Variants in TM7SF3 observed in about 807,000 individuals in gnomAD.
The protein encoded by TM7SF3 is seven span transmembrane protein.
In TM7SF3, 60 loss-of-function variants were observed where a neutral mutation model predicts 65.5. The ratio of observed to expected loss-of-function variants is 0.92; its 90% confidence interval spans 0.74 to 1.14. The LOEUF (loss-of-function observed/expected upper bound fraction) is 1.14, where lower values mean the gene tolerates loss of function less well. TM7SF3 is among the 50% of genes most tolerant of loss of function. The probability of loss-of-function intolerance (pLI) is 0.00; values close to 1 mark genes in which losing one functional copy is unlikely to be tolerated. For missense variants in TM7SF3, 623 were observed against 684.8 expected (o/e 0.91, Z 1.01); for synonymous variants, 264 against 259.6 (o/e 1.02, Z -0.16).
In TM7SF3 at chr12:26,990,470, T is replaced by C. The variant is rs534482860; in HGVS notation, c.848A>G (p.Glu283Gly). Residue 283 changes from glutamate (E) to glycine (G), a missense_variant, in exon 6 of 12, where the codon GAG becomes GGG. Glu to Gly is a moderately conservative substitution (Grantham distance 98). Transcript: ENST00000343028. The stretch of plus-strand genomic sequence containing the variant: ...CTCACCTAGGGAAGCACAACTACCC[T>C]CTCCTGCCTCAAAGCTGCAAGCGTA... ...HTYACSFEAG[E>G]GSCASLGRVS... 7.4e-6 allele frequency: 12 copies of C among 1,613,720 alleles called. No individual in the cohort carries two copies. In the East Asian group the frequency reaches 1.6e-4, roughly 21 times the overall value.
intron 7 of TM7SF3, among the ~76,000 whole-genome samples, chr12:26,981,852 T>C (rs1489601788): frequency 6.6e-6 from 1 of 152,128 alleles, no homozygotes; most frequent in East Asian, 1.9e-4. Flanking sequence ...ATGATTTACA[T>C]CCCAGTTCTT....
rs1389672495 is a variant in TM7SF3, at chr12:26,995,299, T to A, written c.628A>T (p.Met210Leu). 1.9e-5 allele frequency: 31 copies of A among 1,614,020 alleles called. No homozygotes were observed. Among genetic ancestry groups the A allele is most frequent in the Non-Finnish European group, 2.6e-5 (31 of 1,180,032 alleles). ...FLPENDLTEE[M>L]LLKHLQRMVS... The stretch of plus-strand genomic sequence containing the variant: ...ATCCTCTGCAGATGCTTCAGCAACA[T>A]CTCCTCAGTGAGGTCATTCTCAGGC... The change falls in exon 5 of 12, where the codon ATG becomes TTG. Residue 210 changes from methionine (M) to leucine (L), a missense_variant. Met to Leu is a conservative substitution (Grantham distance 15). Transcript: ENST00000343028.
intron 6 of TM7SF3, among the ~76,000 whole-genome samples, chr12:26,988,188 G>A (rs1396856049): frequency 6.6e-6 from 1 of 152,102 alleles, no homozygotes; most frequent in African/African-American, 2.4e-5. Context: ...GGGGAGACGG[G>A]GTCTCACTCT....
chr12:26,995,185 T>C lies in TM7SF3; in HGVS notation c.690+52A>G, dbSNP rs376291016. On this transcript the variant is annotated intron_variant, in intron 5 of 11. Coordinates refer to ENST00000343028, the MANE Select transcript of TM7SF3 (RefSeq NM_016551.3). Reference sequence around the variant, plus strand: ...CCTGGTAGCTTCTCCCCTTCTCAACTCTGACAAAGGTGTCACAATCCAGCC... The same window carrying C: ...CCTGGTAGCTTCTCCCCTTCTCAACCCTGACAAAGGTGTCACAATCCAGCC... 1,111 of 1,567,028 alleles carry C rather than the reference T, an allele frequency of 7.1e-4. 1 individual carries two copies. The highest frequency in any genetic ancestry group is 9.2e-4 in the Non-Finnish European group (1,057 of 1,152,486).
At chr12:27,010,676 T>C (rs768166557) in intron 1 of TM7SF3, among the ~76,000 whole-genome samples, 5 of 152,166 alleles carry the variant, frequency 3.3e-5, no homozygotes, top group Non-Finnish European at 7.3e-5. Flanking sequence ...AGACAGCACA[T>C]CAAAAGATAT....
At chr12:26,999,117 C>A (rs1409707425) in intron 3 of TM7SF3, among the ~76,000 whole-genome samples, 1 of 152,196 alleles carries the variant, frequency 6.6e-6, no homozygotes, top group Non-Finnish European at 1.5e-5. Context: ...TGATTATAGG[C>A]TGGGCGCAGT....
In TM7SF3 at chr12:26,995,371, G is replaced by C; in HGVS notation, c.556C>G (p.Gln186Glu). The change falls in exon 5 of 12, where the codon CAG becomes GAG. Residue 186 changes from glutamine (Q) to glutamate (E), a missense_variant. By Grantham distance (29) the Gln-to-Glu change is conservative. Coordinates refer to ENST00000343028, the MANE Select transcript of TM7SF3 (RefSeq NM_016551.3). ...TACTGCAACCTCCACCTGGAGTCCT[G>C]GTCTGTCCCAGCGTCACATGGTGGG... ...DPPPCDAGTD[Q>E]DSRWRLQYDV... is the part of the protein sequence containing the mutation. 1 of 1,614,134 alleles carries C rather than the reference G, an allele frequency of 6.2e-7. No homozygotes were observed. Among genetic ancestry groups the C allele is most frequent in the Non-Finnish European group, 8.5e-7 (1 of 1,180,026 alleles).
Position 26,979,943 on chromosome 12 carries a change from A to G in TM7SF3, c.1037-7T>C. 1.2e-6 allele frequency: 2 copies of G among 1,614,104 alleles called. No homozygotes were observed. Among genetic ancestry groups the G allele is most frequent in the Non-Finnish European group, 1.7e-6 (2 of 1,180,000 alleles). ...GCTGTCAGAATCAGATTCACTGTAC[A>G]AAGAGAGAGGATGAACTGCTGGATA... On this transcript the variant is annotated splice_region_variant and splice_polypyrimidine_tract_variant and intron_variant, in intron 8 of 11. Coordinates refer to ENST00000343028, the MANE Select transcript of TM7SF3 (RefSeq NM_016551.3).
chr12:27,010,973 T>A (rs1458545496), intron 1 of TM7SF3, among the ~76,000 whole-genome samples: 1 of 152,246 alleles, frequency 6.6e-6, no homozygotes, highest in Non-Finnish European at 1.5e-5. Flanking sequence ...CTTCTACTGT[T>A]TGTGTTTCAA....
intron 1 of TM7SF3, among the ~76,000 whole-genome samples, chr12:27,006,287 G>A (rs1018299103): frequency 4.0e-5 from 6 of 151,430 alleles, no homozygotes; most frequent in African/African-American, 7.3e-5. Context: ...ACAGGCATGT[G>A]CCACCACGCT....
chr12:26,976,618 G>A (rs1156374159), intron 9 of TM7SF3, among the ~76,000 whole-genome samples: 1 of 152,160 alleles, frequency 6.6e-6, no homozygotes, highest in African/African-American at 2.4e-5. Flanking sequence ...AGAAGACACT[G>A]GAATAGTCCA....
At position 26,990,591 on chromosome 12, in the gene TM7SF3, A is replaced by T. The variant is rs1940310203; in HGVS notation, c.727T>A (p.Ser243Thr). The part of the protein sequence containing the change: ...TLTANDKTSV[S>T]FSSLPGQGVI... ...CCTTGTCCCGGGAGGGAGGAGAAGGAAACACTTGTCTTATCATTAGCTGTT... is the reference window on the plus strand; with the variant it reads ...CCTTGTCCCGGGAGGGAGGAGAAGGTAACACTTGTCTTATCATTAGCTGTT... Residue 243 changes from serine (S) to threonine (T), a missense_variant, in exon 6 of 12, where the codon TCC (serine) becomes ACC (threonine). Coordinates refer to ENST00000343028, the MANE Select transcript of TM7SF3 (RefSeq NM_016551.3). The T allele has an allele frequency of 6.2e-7, 1 of 1,614,062 alleles. No individual in the cohort carries two copies. The highest frequency in any genetic ancestry group is 1.3e-5 in the African/African-American group (1 of 75,068).
chr12:27,011,810 T>C (rs758421484), intron 1 of TM7SF3, among the ~76,000 whole-genome samples: 5 of 152,226 alleles, frequency 3.3e-5, no homozygotes, highest in Non-Finnish European at 7.4e-5. Flanking sequence ...AAGAATAACA[T>C]TGAGGAATAT....
At chr12:26,979,704 C>A (rs770735766) in intron 9 of TM7SF3, 80 bp downstream of exon 9, 3 of 1,498,630 alleles carry the variant, frequency 2.0e-6, no homozygotes, top group Non-Finnish European at 2.7e-6. Flanking sequence ...ACATGCAACA[C>A]CACTCCAGGA....
At chr12:26,980,176 C>T (rs1382928655) in intron 8 of TM7SF3, 1 of 576,416 alleles carries the variant, frequency 1.7e-6, no homozygotes, top group Non-Finnish European at 3.1e-6. Context: ...CTTGGCTTGT[C>T]AATAAATTGG....
Position 26,979,793 on chromosome 12 carries a change from T to G in TM7SF3, c.1180A>C (p.Thr394Pro). 6.2e-7 allele frequency: 1 copy of G among 1,613,590 alleles called. No individual in the cohort carries two copies. The highest frequency in any genetic ancestry group is 8.5e-7 in the Non-Finnish European group (1 of 1,179,834). Reference protein sequence around the residue: ...GFLISSVTFFTPLGNLKIFHD... With the variant: ...GFLISSVTFFPPLGNLKIFHD... ...GTTACATATCGCCTACCCAGTGGAGTAAAGAAAGTCACTGACGAGATGAGG... is the reference window on the plus strand; with the variant it reads ...GTTACATATCGCCTACCCAGTGGAGGAAAGAAAGTCACTGACGAGATGAGG... The change falls in exon 9 of 12, where the codon ACT (threonine) becomes CCT (proline). Residue 394 changes from threonine to proline, a missense_variant. By Grantham distance (38) the Thr-to-Pro change is conservative (BLOSUM62 -1). Coordinates refer to ENST00000343028, the MANE Select transcript of TM7SF3 (RefSeq NM_016551.3).
In TM7SF3 at chr12:27,000,385, C is replaced by A. The variant is rs532066050; in HGVS notation, c.247-709G>T. On this transcript the variant is annotated intron_variant, in intron 2 of 11. Transcript: ENST00000343028. ...ACTAGGACAAAAACATGAGACCTGG[C>A]CCCAAGGAGTTCAGTTTTCGAGGTA... is the stretch of plus-strand genomic sequence containing the variant. Among the ~76,000 whole-genome samples, 14 of 152,294 alleles carry A rather than the reference C, an allele frequency of 9.2e-5. No individual in the cohort carries two copies. The East Asian group carries it at 2.7e-3, about 29-fold the overall frequency.
In TM7SF3 at chr12:26,976,289, G is replaced by A; in HGVS notation, c.1258C>T (p.Pro420Ser). ...VTFSCIAILI[P>S]VVFMGCLRIL... ...CTTAGGCAGCCCATGAAAACTACTG[G>A]AATGAGGATAGCTATGCAAGAGAAA... The change falls in exon 10 of 12, where the codon CCA (proline) becomes TCA (serine). Residue 420 changes from proline to serine, a missense_variant. Physicochemically the swap from Pro to Ser is moderately conservative, Grantham distance 74. Coordinates refer to ENST00000343028, the MANE Select transcript of TM7SF3 (RefSeq NM_016551.3). The A allele has an allele frequency of 6.2e-7, 1 of 1,613,714 alleles. No homozygotes were observed. Among genetic ancestry groups the A allele is most frequent in the Non-Finnish European group, 8.5e-7 (1 of 1,179,706 alleles).
intron 1 of TM7SF3, 55 bp downstream of exon 1, chr12:27,014,023 C>T (rs994877647): frequency 3.4e-6 from 5 of 1,474,016 alleles, no homozygotes; most frequent in African/African-American, 2.8e-5. Context: ...ATTTTGACCT[C>T]GCAAGAAATG....
Sources: allele counts gnomAD v4.1 joint callset (sites outside exome capture counted in the v4.1 genomes callset), GRCh38; gene constraint gnomAD v4.1.1; transcripts MANE v1.5; gene names NCBI Gene and HGNC (gene_info 2026-07-23, HGNC 2026-07-21).